ARHGEF38: variants seen among roughly 807,000 people sequenced by gnomAD.
ARHGEF38 encodes Rho guanine nucleotide exchange factor (GEF) 38.
Under a neutral mutation model 79.9 loss-of-function variants are expected in ARHGEF38, and 79 were observed. The ratio of observed to expected loss-of-function variants is 0.99; its 90% confidence interval spans 0.82 to 1.19. ARHGEF38 has a LOEUF of 1.19. Ranked by LOEUF, ARHGEF38 falls within the 50% of genes most tolerant of loss-of-function variation. The pLI is 0.00. For missense variants in ARHGEF38, 962 were observed against 907.2 expected (o/e 1.06, Z -0.78); for synonymous variants, 366 against 328.3 (o/e 1.11, Z -1.24).
At chr4:105,649,191 C>T (rs1450493757) in intron 7 of ARHGEF38, among the ~76,000 whole-genome samples, 2 of 152,152 alleles carry the variant, frequency 1.3e-5, no homozygotes, top group African/African-American at 2.4e-5. Flanking sequence ...CCTTCCTCTT[C>T]CCTCACTCCC....
chr4:105,624,549 C>T (rs1728866519), intron 3 of ARHGEF38, among the ~76,000 whole-genome samples: 1 of 152,138 alleles, frequency 6.6e-6, no homozygotes, highest in Non-Finnish European at 1.5e-5. Context: ...CAGTTTTATC[C>T]CCTAGGCTAG....
At chr4:105,563,461 G>A (rs147579276) in intron 1 of ARHGEF38, 6 of 152,316 alleles carry the variant, frequency 3.9e-5, no homozygotes, top group South Asian at 2.1e-4. Context: ...GGTGCAGTAC[G>A]TCATTTCATG....
chr4:105,619,361 G>T (rs1728643619), intron 3 of ARHGEF38, among the ~76,000 whole-genome samples: 1 of 151,810 alleles, frequency 6.6e-6, no homozygotes. Flanking sequence ...CTGGCCAGCT[G>T]GCCCCCAGCC....
intron 2 of ARHGEF38, among the ~76,000 whole-genome samples, chr4:105,612,819 T>C (rs1455345744): frequency 6.6e-6 from 1 of 152,116 alleles, no homozygotes; most frequent in South Asian, 2.1e-4. Context: ...CTAAGAATAA[T>C]TACACTGGTT....
chr4:105,658,684 T>C lies in ARHGEF38; in HGVS notation c.1234-370T>C, dbSNP rs1324594891. 2.6e-5 allele frequency among the ~76,000 whole-genome samples: 4 copies of C among 152,152 alleles called. No homozygotes were observed. The East Asian group carries it at 7.7e-4, about 29-fold the overall frequency. ...TAGTCAAAGGCTAGAGATTCCCCCC[T>C]ACCCTCAAGTGCTGGCTCTGGGATG... is the stretch of plus-strand genomic sequence containing the variant. On this transcript the variant is annotated intron_variant, in intron 9 of 13. Coordinates refer to ENST00000420470, the MANE Select transcript of ARHGEF38 (RefSeq NM_001242729.2).
chr4:105,582,132 T>A (rs1726823684), intron 1 of ARHGEF38, among the ~76,000 whole-genome samples: 1 of 132,292 alleles, frequency 7.6e-6, no homozygotes. Context: ...GCCACTGCAC[T>A]CCAGCCTGGG....
intron 1 of ARHGEF38, among the ~76,000 whole-genome samples, chr4:105,566,831 G>A (rs191628928): frequency 0.011 from 1,581 of 149,400 alleles, 98 homozygotes; most frequent in Admixed American, 0.095. Flanking sequence ...TTGGCTCACC[G>A]CAACCTCCAC....
chr4:105,654,127 G>A lies in ARHGEF38; in HGVS notation c.1071G>A (p.Arg357=). The A allele has an allele frequency of 6.6e-7, 1 of 1,521,080 alleles. No homozygotes were observed. The highest frequency in any genetic ancestry group is 2.5e-5 in the East Asian group (1 of 40,630). 94.2% of individuals were successfully genotyped at this position (1,521,080 alleles called of 1,614,324 possible). ...KLFRALEKTV[R]LCVKNISLCL... ...TTAGAGCTTTAGAAAAGACTGTGAG[G>A]CTTTGTGTGAAGAACATTTCACTCT... is the stretch of plus-strand genomic sequence containing the variant. The change falls in exon 8 of 14, where the codon AGG becomes AGA. Residue 357 remains arginine, a synonymous_variant. Transcript: ENST00000420470.
chr4:105,579,679 G>A (rs1375758960), intron 1 of ARHGEF38, among the ~76,000 whole-genome samples: 2 of 152,048 alleles, frequency 1.3e-5, no homozygotes, highest in African/African-American at 4.8e-5. Flanking sequence ...CAAGGATATT[G>A]GCCTGAAGTT....
intron 13 of ARHGEF38, among the ~76,000 whole-genome samples, chr4:105,668,497 T>C (rs1297170601): frequency 6.6e-6 from 1 of 152,220 alleles, no homozygotes; most frequent in Non-Finnish European, 1.5e-5. Flanking sequence ...TTAATTATAG[T>C]GCAGGACTTG....
intron 2 of ARHGEF38, among the ~76,000 whole-genome samples, chr4:105,612,307 T>C (rs1728327747): frequency 6.6e-6 from 1 of 152,162 alleles, no homozygotes; most frequent in South Asian, 2.1e-4. Context: ...CCAATTCCCC[T>C]AATTTCTCGG....
chr4:105,638,760 TCTTTCC>T (rs1729502171), intron 5 of ARHGEF38, among the ~76,000 whole-genome samples: 2 of 152,154 alleles, frequency 1.3e-5, no homozygotes, highest in African/African-American at 4.8e-5. Flanking sequence ...GTTGTGAATA[TCTTTCC>T]ATGTCAGTAA....
At chr4:105,631,358 A>G in intron 4 of ARHGEF38, 1 of 1,019,878 alleles carries the variant, frequency 9.8e-7, no homozygotes, top group Non-Finnish European at 1.2e-6. Flanking sequence ...GCCTGGCCCC[A>G]CGTAGTTCAA....
intron 5 of ARHGEF38, among the ~76,000 whole-genome samples, chr4:105,636,657 C>A (rs1318879561): frequency 6.6e-6 from 1 of 151,978 alleles, no homozygotes; most frequent in Non-Finnish European, 1.5e-5. Flanking sequence ...ACTAAGTTTG[C>A]TGATGCCAGA....
intron 2 of ARHGEF38, among the ~76,000 whole-genome samples, chr4:105,604,568 CT>C (rs1184514879): frequency 6.6e-6 from 1 of 151,924 alleles, no homozygotes; most frequent in Non-Finnish European, 1.5e-5. Flanking sequence ...AAGATTAGAA[CT>C]TTGTAATTGT....
rs187410879 is a variant in ARHGEF38, at chr4:105,598,120, T to C, written c.384+8685T>C. On this transcript the variant is annotated intron_variant, in intron 2 of 13. Transcript: ENST00000420470. Reference sequence around the variant, plus strand: ...TTTTATGATGTATAAAACAACCTCCTATGTATCTTGGCTGTTTCTCACGCT... The same window carrying C: ...TTTTATGATGTATAAAACAACCTCCCATGTATCTTGGCTGTTTCTCACGCT... 2.8e-3 allele frequency among the ~76,000 whole-genome samples: 423 copies of C among 152,336 alleles called. 2 individuals carry two copies. Among genetic ancestry groups the C allele is most frequent in the African/African-American group, 9.6e-3 (399 of 41,584 alleles).
At chr4:105,580,366 C>A (rs916862764) in intron 1 of ARHGEF38, among the ~76,000 whole-genome samples, 27 of 152,272 alleles carry the variant, frequency 1.8e-4, no homozygotes, top group African/African-American at 6.3e-4. Context: ...CTATATATTT[C>A]CCTCTTAACA....
chr4:105,577,419 T>A (rs974643889), intron 1 of ARHGEF38, among the ~76,000 whole-genome samples: 1 of 152,050 alleles, frequency 6.6e-6, no homozygotes, highest in Non-Finnish European at 1.5e-5. Context: ...ATCAGAGTGA[T>A]GCTGGCTTCA....
At chr4:105,553,940 C>T (rs1382888423) in intron 1 of ARHGEF38, among the ~76,000 whole-genome samples, 14 of 151,908 alleles carry the variant, frequency 9.2e-5, no homozygotes, top group African/African-American at 2.7e-4. Context: ...AATCTCTTTC[C>T]ACAAATATGA....
Sources: gnomAD v4.1 joint callset for allele counts (sites outside exome capture counted in the v4.1 genomes callset) on GRCh38, gnomAD v4.1.1 for gene constraint, MANE v1.5 for transcripts, NCBI Gene and HGNC (gene_info 2026-07-23, HGNC 2026-07-21) for gene names.